The following CUX2 variants were observed in gnomAD, a reference collection of about 807,000 sequenced individuals.
CUX2 encodes the protein cut like homeobox 2.
A neutral mutation model predicts 144.8 loss-of-function variants in CUX2; 40 were observed. That is an observed-to-expected ratio of 0.28 (90% confidence interval 0.21 to 0.36). CUX2 has a LOEUF of 0.36. Among genes scored for constraint, CUX2 ranks in the 10% least tolerant of loss-of-function variants. The pLI is 1.00. For missense variants in CUX2, 1,615 were observed against 1,994.0 expected (o/e 0.81, Z 3.62); for synonymous variants, 827 against 875.6 (o/e 0.94, Z 0.98).
Position 111,063,716 on chromosome 12 carries a change from C to T in CUX2, c.63+29476C>T, listed in dbSNP as rs371141852. On this transcript the variant is annotated intron_variant, in intron 1 of 21. Coordinates refer to ENST00000261726, the MANE Select transcript of CUX2 (RefSeq NM_015267.4). ...TAGCGAGTCCGGGGGATTTGGCGGC[C>T]GCCCCTGCATAGCATTATTCTGTGC... is the stretch of plus-strand genomic sequence containing the variant. 1.4e-3 allele frequency among the ~76,000 whole-genome samples: 209 copies of T among 152,326 alleles called. 2 individuals are homozygous for T. The highest frequency in any genetic ancestry group is 4.6e-3 in the African/African-American group (193 of 41,568).
At chr12:111,123,508 G>A (rs1293815214) in intron 1 of CUX2, among the ~76,000 whole-genome samples, 1 of 148,646 alleles carries the variant, frequency 6.7e-6, no homozygotes, top group Non-Finnish European at 1.5e-5. Flanking sequence ...TGTATGTGTT[G>A]GATCACATGC....
intron 4 of CUX2, among the ~76,000 whole-genome samples, chr12:111,266,063 T>A (rs1016909764): frequency 6.6e-6 from 1 of 152,168 alleles, no homozygotes; most frequent in Non-Finnish European, 1.5e-5. Context: ...TATGTCTACG[T>A]AGAACTTCAA....
chr12:111,320,188 C>A lies in CUX2; in HGVS notation c.2179C>A (p.Pro727Thr). The part of the protein sequence containing the change: ...APRGRSVPPS[P>T]PERPSLATAS... ...CAGGGGCCGCTCGGTGCCCCCCTCG[C>A]CCCCGGAGCGGCCATCACTGGCCAC... Residue 727 changes from proline to threonine, a missense_variant, in exon 17 of 22, where the codon CCC (proline) becomes ACC (threonine). By Grantham distance (38) the Pro-to-Thr change is conservative. Transcript: ENST00000261726. This position sits in a 1 kb window ranked among gnomAD's most constrained non-coding sequence, Gnocchi z 8.1. 1 of 1,531,506 alleles carries A rather than the reference C, an allele frequency of 6.5e-7. No individual in the cohort carries two copies. The highest frequency in any genetic ancestry group is 8.7e-7 in the Non-Finnish European group (1 of 1,144,878). 94.9% of individuals were successfully genotyped at this position (1,531,506 alleles called of 1,614,324 possible).
At chr12:111,332,020 A>G (rs943965364) in intron 18 of CUX2, among the ~76,000 whole-genome samples, 1 of 151,636 alleles carries the variant, frequency 6.6e-6, no homozygotes, top group South Asian at 2.1e-4. Context: ...GCTAGGTTGC[A>G]GTGCGCCAAG....
At chr12:111,247,324 G>A (rs953034612) in intron 3 of CUX2, among the ~76,000 whole-genome samples, 3 of 152,334 alleles carry the variant, frequency 2.0e-5, no homozygotes, top group African/African-American at 4.8e-5. Context: ...CCACAGATAC[G>A]TCCAGAAAGG....
At chr12:111,242,295 G>T (rs1883059104) in intron 3 of CUX2, among the ~76,000 whole-genome samples, 1 of 152,246 alleles carries the variant, frequency 6.6e-6, no homozygotes, top group African/African-American at 2.4e-5. Flanking sequence ...AATAAGTGAT[G>T]AAACTGAATC....
Position 111,338,268 on chromosome 12 carries a change from C to A in CUX2, c.3197-18C>A. The A allele has an allele frequency of 6.3e-7, 1 of 1,587,378 alleles. No individual in the cohort carries two copies. The highest frequency in any genetic ancestry group is 1.3e-5 in the African/African-American group (1 of 74,578). On this transcript the variant is annotated intron_variant, in intron 19 of 21. Transcript: ENST00000261726. ...GCCCAGCCTCGGGTAACAGATTGCT[C>A]CCCTCCCCTATCCCCAGGGCAGCGG...
At chr12:111,234,843 C>A (rs1882658458) in intron 3 of CUX2, among the ~76,000 whole-genome samples, 1 of 151,996 alleles carries the variant, frequency 6.6e-6, no homozygotes, top group South Asian at 2.1e-4. Context: ...CTTAGCCTCC[C>A]GAGTAGCTGG....
chr12:111,230,215 CG>C (rs1882396680), intron 3 of CUX2, among the ~76,000 whole-genome samples: 1 of 55,914 alleles, frequency 1.8e-5, no homozygotes, highest in African/African-American at 7.1e-5. Context: ...AGGGGAGGAA[CG>C]GGGAGGGGAG....
intron 1 of CUX2, among the ~76,000 whole-genome samples, chr12:111,078,922 T>C (rs746067290): frequency 6.6e-6 from 1 of 152,140 alleles, no homozygotes; most frequent in Non-Finnish European, 1.5e-5. Context: ...AAAGGAGTCG[T>C]GCGTGGGAAC....
Position 111,171,755 on chromosome 12 carries a change from G to T in CUX2, c.64-42445G>T, listed in dbSNP as rs1459685086. On this transcript the variant is annotated intron_variant, in intron 1 of 21. Coordinates refer to ENST00000261726, the MANE Select transcript of CUX2 (RefSeq NM_015267.4). The surrounding 1 kb of genome is among the most constrained non-coding windows in gnomAD (Gnocchi z 5.0). ...AACAGGGCTCCCTGGTGAAAGAATG[G>T]CAGGGTCCCTTTTCGCCTCCCGGGG... Among the ~76,000 whole-genome samples the T allele has an allele frequency of 6.6e-6, 1 of 152,250 alleles. No homozygotes were observed. The highest frequency in any genetic ancestry group is 1.5e-5 in the Non-Finnish European group (1 of 68,042).
rs138446508 is a variant in CUX2, at chr12:111,263,236, G to A, written c.223-525G>A. On this transcript the variant is annotated intron_variant, in intron 3 of 21. Transcript: ENST00000261726. This position sits in a 1 kb window ranked among gnomAD's most constrained non-coding sequence, Gnocchi z 4.0. The stretch of plus-strand genomic sequence containing the variant: ...TGTAATCCCGGCACTTTGGGAGGCC[G>A]AGGCAGGGGAATCGCAGGAGGTCGA... 2.6e-4 allele frequency among the ~76,000 whole-genome samples: 39 copies of A among 152,246 alleles called. No individual in the cohort carries two copies. The highest frequency in any genetic ancestry group is 2.1e-3 in the East Asian group (11 of 5,166).
At chr12:111,182,233 G>C (rs1879231468) in intron 1 of CUX2, among the ~76,000 whole-genome samples, 1 of 152,158 alleles carries the variant, frequency 6.6e-6, no homozygotes, top group Non-Finnish European at 1.5e-5. Context: ...AGGGCCCCGG[G>C]GAGGTTATCC....
At chr12:111,194,132 A>G (rs1236428902) in intron 1 of CUX2, among the ~76,000 whole-genome samples, 1 of 152,190 alleles carries the variant, frequency 6.6e-6, no homozygotes, top group Non-Finnish European at 1.5e-5. Flanking sequence ...CTCTAGAGCC[A>G]GACTCTTTGT....
At position 111,214,255 on chromosome 12, in the gene CUX2, A is replaced by G. The variant is rs1881404824; in HGVS notation, c.119A>G (p.His40Arg). The stretch of plus-strand genomic sequence containing the variant: ...TCTGCACGGCAGGAGGAGAGTGAAC[A>G]TTCTCATAAACATTTAATTGAACTC... ...ELSARQEESE[H>R]SHKHLIELRR... The change falls in exon 2 of 22, where the codon CAT becomes CGT. Residue 40 changes from histidine (H) to arginine (R), a missense_variant. By Grantham distance (29) the His-to-Arg change is conservative. Around this residue, in one of 12 missense-constraint regions of CUX2, gnomAD observed 64 missense variants for 64.9 expected, o/e 0.99. Coordinates refer to ENST00000261726, the MANE Select transcript of CUX2 (RefSeq NM_015267.4). The G allele has an allele frequency of 1.9e-6, 3 of 1,609,802 alleles. No homozygotes were observed. Among genetic ancestry groups the G allele is most frequent in the Non-Finnish European group, 2.5e-6 (3 of 1,178,822 alleles).
chr12:111,154,381 C>A (rs1877243259), intron 1 of CUX2, among the ~76,000 whole-genome samples: 1 of 152,126 alleles, frequency 6.6e-6, no homozygotes, highest in South Asian at 2.1e-4. Context: ...TGCAGTCCAC[C>A]AGGCAGGAGC....
At chr12:111,147,593 C>T (rs1876771939) in intron 1 of CUX2, among the ~76,000 whole-genome samples, 1 of 152,136 alleles carries the variant, frequency 6.6e-6, no homozygotes, top group African/African-American at 2.4e-5. Context: ...GGTTGGGGGC[C>T]CCCAGATTGC....
chr12:111,342,164 C>A, intron 21 of CUX2, 111 bp downstream of exon 21: 1 of 1,270,208 alleles, frequency 7.9e-7, no homozygotes, highest in South Asian at 1.4e-5. Context: ...ATGGAAGACC[C>A]CATCACATAG....
At chr12:111,321,737 A>T (rs1265056677) in intron 17 of CUX2, among the ~76,000 whole-genome samples, 1 of 152,180 alleles carries the variant, frequency 6.6e-6, no homozygotes, top group Middle Eastern at 3.2e-3. Context: ...CACCCTAGCC[A>T]GGGGACCTCA....
Sources: gnomAD v4.1 joint callset for allele counts (sites outside exome capture counted in the v4.1 genomes callset) on GRCh38, gnomAD v4.1.1 for gene constraint, gnomAD v4.1.1 regional missense constraint, Gnocchi (gnomAD v3.1) non-coding constraint, MANE v1.5 for transcripts, NCBI Gene and HGNC (gene_info 2026-07-23, HGNC 2026-07-21) for gene names.